The following SGCD variants were observed in gnomAD, a reference collection of about 807,000 sequenced individuals.
SGCD encodes the protein delta-sarcoglycan.
Under a neutral mutation model 36.6 loss-of-function variants are expected in SGCD, and 18 were observed. The observed-to-expected ratio is 0.49, with a 90% CI of 0.34 to 0.73. The LOEUF is 0.73. SGCD is among the 30% of genes least tolerant of loss of function. SGCD has a pLI of 0.01. For synonymous variants in SGCD, 133 were observed against 130.6 expected (o/e 1.02, Z -0.12); for missense variants, 387 against 346.7 (o/e 1.12, Z -0.92).
chr5:156,558,088 A>AATGTATATATATATATATATAT (rs1330398244), intron 4 of SGCD, among the ~76,000 whole-genome samples: 7 of 95,590 alleles, frequency 7.3e-5, no homozygotes, highest in African/African-American at 2.4e-4. Context: ...AGTAAATACA[A>AATGTATATATATATATATATAT]ATATATATAT....
chr5:155,813,085 A>G, the SGCD span, among the ~76,000 whole-genome samples: 1 of 150,740 alleles, frequency 6.6e-6, no homozygotes. Flanking sequence ...ACAAGAAGCT[A>G]GTTTTCTTTG....
the SGCD span, among the ~76,000 whole-genome samples, chr5:155,728,744 C>T: frequency 1.1e-4 from 16 of 152,096 alleles, no homozygotes; most frequent in Non-Finnish European, 2.4e-4. Flanking sequence ...CCAGAGCCGC[C>T]AACTTCCCTG....
chr5:156,620,143 T>G (rs1248057848), intron 6 of SGCD, among the ~76,000 whole-genome samples: 1 of 152,184 alleles, frequency 6.6e-6, no homozygotes, highest in African/African-American at 2.4e-5. Context: ...CAACACTGGG[T>G]AAGTTTATCA....
chr5:156,707,238 A>G (rs1754781423), intron 7 of SGCD, among the ~76,000 whole-genome samples: 1 of 152,188 alleles, frequency 6.6e-6, no homozygotes, highest in African/African-American at 2.4e-5. Flanking sequence ...TCTGTATACC[A>G]GGGTGGCATT....
At chr5:155,990,490 G>A (rs1041389315) in intron 1 of SGCD, among the ~76,000 whole-genome samples, 2 of 152,162 alleles carry the variant, frequency 1.3e-5, no homozygotes, top group African/African-American at 4.8e-5. Flanking sequence ...TCATGTTTCA[G>A]GGGCAGGATG....
intron 3 of SGCD, among the ~76,000 whole-genome samples, chr5:156,241,246 CA>C (rs1765296459): frequency 7.9e-6 from 1 of 126,064 alleles, no homozygotes; most frequent in African/African-American, 3.4e-5. Flanking sequence ...GAAATTAGAC[CA>C]AAACGTGTGT....
intron 1 of SGCD, among the ~76,000 whole-genome samples, chr5:156,003,772 A>G (rs1758707189): frequency 6.6e-6 from 1 of 152,178 alleles, no homozygotes. Flanking sequence ...TGGTAGAATT[A>G]TTTTTAAAGT....
At chr5:156,453,224 C>A (rs549391390) in intron 3 of SGCD, among the ~76,000 whole-genome samples, 1 of 152,214 alleles carries the variant, frequency 6.6e-6, no homozygotes, top group East Asian at 1.9e-4. Context: ...ACATTTGAAG[C>A]ACTGTCACAT....
intron 3 of SGCD, among the ~76,000 whole-genome samples, chr5:156,358,817 C>A (rs551175589): frequency 6.9e-4 from 105 of 152,074 alleles, no homozygotes; most frequent in Middle Eastern, 3.4e-3. Flanking sequence ...AAGAAATGGG[C>A]ATCTAGTAAT....
At chr5:156,376,546 C>T (rs927282065) in intron 3 of SGCD, among the ~76,000 whole-genome samples, 1 of 151,970 alleles carries the variant, frequency 6.6e-6, no homozygotes, top group Non-Finnish European at 1.5e-5. Context: ...TCACATTGAC[C>T]CTAATGAGAT....
chr5:156,122,894 C>T (rs909439066), intron 2 of SGCD, among the ~76,000 whole-genome samples: 14 of 120,704 alleles, frequency 1.2e-4, no homozygotes, highest in Admixed American at 1.1e-3. Flanking sequence ...AGGTCAGCTG[C>T]TGGATTTATT....
At chr5:155,945,673 A>G (rs546547416) in intron 1 of SGCD, among the ~76,000 whole-genome samples, 1 of 152,272 alleles carries the variant, frequency 6.6e-6, no homozygotes, top group South Asian at 2.1e-4. Flanking sequence ...GGGTGGTGCC[A>G]GGGACCCTCA....
At position 155,954,232 on chromosome 5, in the gene SGCD, T is replaced by C. The variant is rs544160443; in HGVS notation, c.-282+83808T>C. ...AAAGTATCCTTGTCTCATCAGTAAT[T>C]ATAGACAGGTTTCTGTGCAAGTTTC... On this transcript the variant is annotated intron_variant, in intron 1 of 9. Transcript: ENST00000517913. Among the ~76,000 whole-genome samples the C allele has an allele frequency of 1.1e-4, 16 of 152,280 alleles. No individual in the cohort carries two copies. In the South Asian group the frequency reaches 1.9e-3, roughly 18 times the overall value.
the SGCD span, among the ~76,000 whole-genome samples, chr5:155,769,371 CAAAAA>C: frequency 2.4e-5 from 2 of 83,204 alleles, no homozygotes; most frequent in African/African-American, 9.0e-5. Context: ...TAGAAACAGC[CAAAAA>C]AAAAAGAAAG....
chr5:156,473,527 A>G (rs752648484), intron 3 of SGCD, among the ~76,000 whole-genome samples: 1 of 152,166 alleles, frequency 6.6e-6, no homozygotes, highest in African/African-American at 2.4e-5. Context: ...ATCTTTTTGG[A>G]CTGCAATTGA....
the SGCD span, among the ~76,000 whole-genome samples, chr5:155,848,863 C>T: frequency 0.88 from 133,854 of 152,160 alleles, 58,953 homozygotes; most frequent in East Asian, 0.99. Context: ...CTTAACTTTA[C>T]TCATGTAAGA....
At chr5:155,922,353 G>T (rs1756895638) in intron 1 of SGCD, among the ~76,000 whole-genome samples, 1 of 152,176 alleles carries the variant, frequency 6.6e-6, no homozygotes, top group East Asian at 1.9e-4. Flanking sequence ...AACGTGGCAG[G>T]GATGTGCCTG....
chr5:156,229,273 C>CATATATATATGTATATATAT (rs1383896091), intron 3 of SGCD, among the ~76,000 whole-genome samples: 6 of 8,578 alleles, frequency 7.0e-4, no homozygotes, highest in Non-Finnish European at 1.4e-3. Context: ...TATATATATA[C>CATATATATATGTATATATAT]ATACATATAT....
chr5:156,221,079 C>T (rs1764706042), intron 3 of SGCD, among the ~76,000 whole-genome samples: 1 of 152,028 alleles, frequency 6.6e-6, no homozygotes, highest in Admixed American at 6.6e-5. Context: ...GGATGGTAGT[C>T]AAGGAAGCAT....
Sources: allele counts gnomAD v4.1 joint callset (sites outside exome capture counted in the v4.1 genomes callset), GRCh38; gene constraint gnomAD v4.1.1; transcripts MANE v1.5; gene names NCBI Gene and HGNC (gene_info 2026-07-23, HGNC 2026-07-21).